CES5A: variants seen among roughly 807,000 people sequenced by gnomAD.
The protein encoded by CES5A is carboxylesterase 5.
CES5A carries 67 observed loss-of-function variants against 62.9 expected under a neutral mutation model. The ratio of observed to expected loss-of-function variants is 1.07; its 90% CI spans 0.88 to 1.31. CES5A has a LOEUF of 1.31. Ranked by LOEUF, CES5A falls within the 50% of genes most tolerant of loss-of-function variation. The pLI is 0.00. For missense variants in CES5A, 748 were observed against 708.5 expected (o/e 1.06, Z -0.63); for synonymous variants, 296 against 280.8 (o/e 1.05, Z -0.54).
intron 1 of CES5A, among the ~76,000 whole-genome samples, chr16:55,912,589 A>G (rs780914888): frequency 1.3e-4 from 19 of 151,924 alleles, no homozygotes; most frequent in Non-Finnish European, 4.4e-5. Flanking sequence ...GAGGAGAAGG[A>G]GGAAGACAAG....
At chr16:55,865,129 C>T (rs2033429786) in intron 5 of CES5A, among the ~76,000 whole-genome samples, 1 of 152,050 alleles carries the variant, frequency 6.6e-6, no homozygotes, top group Non-Finnish European at 1.5e-5. Context: ...TTGGTTGAAC[C>T]CAGGAGGCGG....
chr16:55,863,567 A>AG (rs2142400534), intron 5 of CES5A, 115 bp from the exon 6 acceptor site: 1 of 660,868 alleles, frequency 1.5e-6, no homozygotes, highest in African/African-American at 1.8e-5. Flanking sequence ...CTAAGCTTAG[A>AG]GGGGAAAAAA....
At chr16:55,939,142 T>C (rs1004629880) in intron 2 of CES5A, among the ~76,000 whole-genome samples, 1 of 152,244 alleles carries the variant, frequency 6.6e-6, no homozygotes, top group African/African-American at 2.4e-5. Flanking sequence ...TTCATCCCCA[T>C]AGGTAAATAA....
At chr16:55,875,804 C>T (rs1352535848), upstream of CES5A, among the ~76,000 whole-genome samples, 1 of 152,128 alleles carries the variant, frequency 6.6e-6, no homozygotes, top group East Asian at 1.9e-4. Flanking sequence ...CCCCTCTGGC[C>T]CTTCATAGTT....
Position 55,875,208 on chromosome 16 carries a change from C to G in CES5A, c.14G>C (p.Trp5Ser), listed in dbSNP as rs145811692. 1.2e-6 allele frequency: 2 copies of G among 1,613,656 alleles called. No individual in the cohort carries two copies. The highest frequency in any genetic ancestry group is 1.7e-6 in the Non-Finnish European group (2 of 1,179,816). The change falls in exon 1 of 13, where the codon TGG becomes TCG. Residue 5 changes from tryptophan to serine, a missense_variant. By Grantham distance (177) the Trp-to-Ser change is radical (BLOSUM62 -3). Transcript: ENST00000290567. MSGN[W>S]VHPGQILIWA... The stretch of plus-strand genomic sequence containing the variant: ...AATTAGGATCTGGCCTGGGTGCACC[C>G]AATTCCCACTCATTTGGCTGCCTGC...
intron 1 of CES5A, among the ~76,000 whole-genome samples, chr16:55,884,863 A>T (rs1328473680): frequency 6.6e-6 from 1 of 152,134 alleles, no homozygotes; most frequent in African/African-American, 2.4e-5. Flanking sequence ...AAGTGCTGGG[A>T]TTACAGGAGG....
In CES5A at chr16:55,854,531, C is replaced by CTTTTTTTTTTCTTTTTTTTTTTTTTT. The variant is rs1555479324; in HGVS notation, c.1126-1504_1126-1503insAAAAAAAAAAAAAAAGAAAAAAAAAA. ...TGAGGGATATCTGCCTGTAGTGTTT[C>CTTTTTTTTTTCTTTTTTTTTTTTTTT]TTTTTTTTTTTTCTTTTTTTTTTTT... On this transcript the variant is annotated intron_variant, in intron 9 of 12. Transcript: ENST00000290567. Among the ~76,000 whole-genome samples, 8 of 52,162 alleles carry CTTTTTTTTTTCTTTTTTTTTTTTTTT rather than the reference C, an allele frequency of 1.5e-4. 1 individual carries two copies. The East Asian group carries it at 3.1e-3, about 20-fold the overall frequency. The allele number at this position is 52,162 out of a possible 152,430, so 34.2% of individuals were successfully genotyped here.
At chr16:55,936,007 T>C (rs945207361) in intron 2 of CES5A, among the ~76,000 whole-genome samples, 5 of 152,188 alleles carry the variant, frequency 3.3e-5, no homozygotes, top group Non-Finnish European at 7.4e-5. Context: ...AATCTGTAGA[T>C]GGGTCTTTAA....
intron 11 of CES5A, 31 bp downstream of exon 11, chr16:55,849,593 T>C: frequency 6.2e-7 from 1 of 1,611,748 alleles, no homozygotes; most frequent in Non-Finnish European, 8.5e-7. Context: ...AGGGGCTTCA[T>C]GTGAACTGTG....
intron 3 of CES5A, among the ~76,000 whole-genome samples, chr16:55,870,398 G>A (rs1227580800): frequency 3.3e-5 from 5 of 152,058 alleles, no homozygotes; most frequent in Non-Finnish European, 5.9e-5. Context: ...AATGAAGAAA[G>A]AAGGAAGAGA....
intron 2 of CES5A, among the ~76,000 whole-genome samples, chr16:55,939,953 T>A (rs1464468558): frequency 6.6e-6 from 1 of 151,690 alleles, no homozygotes; most frequent in African/African-American, 2.4e-5. Flanking sequence ...CCAAGAAATA[T>A]GAGAAAATAT....
chr16:55,849,541 C>G (rs938375444), intron 11 of CES5A, 83 bp downstream of exon 11: 2 of 1,482,766 alleles, frequency 1.3e-6, no homozygotes, highest in African/African-American at 2.8e-5. Context: ...TAAATGCCAA[C>G]CCCGAAGTCC....
intron 1 of CES5A, among the ~76,000 whole-genome samples, chr16:55,924,386 A>G (rs1259102904): frequency 6.6e-6 from 1 of 151,894 alleles, no homozygotes; most frequent in Non-Finnish European, 1.5e-5. Context: ...ATCTATACAG[A>G]AAACTATAAA....
intron 9 of CES5A, 60 bp from the exon 10 acceptor site, chr16:55,853,088 C>T (rs1212031383): frequency 4.5e-6 from 7 of 1,552,844 alleles, no homozygotes; most frequent in Non-Finnish European, 6.2e-6. Context: ...ACACGTTAAA[C>T]ACTCACCTGT....
upstream of CES5A, among the ~76,000 whole-genome samples, chr16:55,880,219 C>T (rs1033131335): frequency 6.6e-6 from 1 of 152,196 alleles, no homozygotes; most frequent in African/African-American, 2.4e-5. Flanking sequence ...AGCATACCAC[C>T]TGAAGCATGG....
chr16:55,863,214 G>A (rs1597118558), intron 6 of CES5A, 134 bp downstream of exon 6: 5 of 659,438 alleles, frequency 7.6e-6, no homozygotes, highest in African/African-American at 5.4e-5. Flanking sequence ...GAGGAACAAG[G>A]TTCACCTTGG....
At chr16:55,875,026 A>G in intron 1 of CES5A, 123 bp downstream of exon 1, 1 of 984,938 alleles carries the variant, frequency 1.0e-6, no homozygotes, top group South Asian at 1.3e-5. Context: ...TGATGCCATC[A>G]AAGTACTACA....
At chr16:55,931,459 C>T (rs1381150876) in intron 2 of CES5A, among the ~76,000 whole-genome samples, 1 of 152,220 alleles carries the variant, frequency 6.6e-6, no homozygotes, top group African/African-American at 2.4e-5. Context: ...CAAGTGCAAT[C>T]TTCTTAGCCT....
rs2033448344 is a variant in CES5A, at chr16:55,865,955, G to A, written c.705+8C>T. The A allele has an allele frequency of 5.0e-6, 8 of 1,614,034 alleles. No individual in the cohort carries two copies. Among genetic ancestry groups the A allele is most frequent in the Non-Finnish European group, 6.8e-6 (8 of 1,180,020 alleles). On this transcript the variant is annotated splice_region_variant and intron_variant, in intron 5 of 12. Coordinates refer to ENST00000290567, the MANE Select transcript of CES5A (RefSeq NM_001143685.2). ...AGATTCATTCAAACCACAAAGCAGA[G>A]AACTCACAAGACTAGAAACACTTAT...
Sources: gnomAD v4.1 joint callset for allele counts (sites outside exome capture counted in the v4.1 genomes callset) on GRCh38, gnomAD v4.1.1 for gene constraint, MANE v1.5 for transcripts, NCBI Gene and HGNC (gene_info 2026-07-23, HGNC 2026-07-21) for gene names.